The following ZNF490 variants were observed in gnomAD, a reference collection of about 807,000 sequenced individuals.
The protein encoded by ZNF490 is zinc finger protein 490.
A neutral mutation model predicts 17.7 loss-of-function variants in ZNF490; 11 were observed. The ratio of observed to expected loss-of-function variants is 0.62; its 90% CI spans 0.39 to 1.03. ZNF490 has a LOEUF of 1.03. ZNF490 is among the 50% of genes least tolerant of loss of function. The pLI is 0.00. For missense variants in ZNF490, 542 were observed against 643.4 expected (o/e 0.84, Z 1.71); for synonymous variants, 222 against 216.1 (o/e 1.03, Z -0.24).
chr19:12,608,362 C>T (rs1206875407), intron 2 of ZNF490, among the ~76,000 whole-genome samples: 4 of 152,170 alleles, frequency 2.6e-5, no homozygotes, highest in Admixed American at 6.6e-5. Flanking sequence ...CAGGTCACCG[C>T]AGCCTCAGGT....
At chr19:12,608,453 T>G (rs1568283960) in intron 2 of ZNF490, among the ~76,000 whole-genome samples, 1 of 108,058 alleles carries the variant, frequency 9.3e-6, no homozygotes, top group African/African-American at 3.0e-5. Flanking sequence ...CTTTATTTAT[T>G]TATGTATTTA....
chr19:12,578,253 A>G lies in ZNF490; in HGVS notation c.*2232T>C. The G allele has an allele frequency of 1.0e-6, 1 of 985,548 alleles. No homozygotes were observed. The highest frequency in any genetic ancestry group is 1.2e-6 in the Non-Finnish European group (1 of 830,028). The allele number at this position is 985,548 out of a possible 1,614,324, so 61.1% of individuals were successfully genotyped here. A position where few individuals can be genotyped will look rare whatever the true frequency, so the allele number is the denominator to read the frequency against. On this transcript the variant is annotated 3_prime_UTR_variant, in exon 5 of 5. Transcript: ENST00000311437. Reference sequence around the variant, plus strand: ...GAATGTGCCAGAAAACAGGGAAAGCAAGTTAGGGGAGGTAAGAATTCTGAG... The same window carrying G: ...GAATGTGCCAGAAAACAGGGAAAGCGAGTTAGGGGAGGTAAGAATTCTGAG...
chr19:12,608,457 GTATTTATT>G (rs147000880), intron 2 of ZNF490, among the ~76,000 whole-genome samples: 87,113 of 149,410 alleles, frequency 0.58, 26,701 homozygotes, highest in Non-Finnish European at 0.69. Flanking sequence ...ATTTATTTAT[GTATTTATT>G]TATTTATTTA....
At chr19:12,601,797 C>T (rs1366443436) in intron 2 of ZNF490, among the ~76,000 whole-genome samples, 3 of 151,692 alleles carry the variant, frequency 2.0e-5, no homozygotes, top group South Asian at 2.1e-4. Flanking sequence ...TCGAGACCAT[C>T]CTGGCTAACA....
intron 2 of ZNF490, among the ~76,000 whole-genome samples, chr19:12,596,672 C>G (rs1013153440): frequency 2.0e-5 from 3 of 152,282 alleles, no homozygotes; most frequent in Middle Eastern, 3.4e-3. Context: ...CAAAAACAAA[C>G]AAATTCCCAA....
chr19:12,592,051 G>T (rs374563816), intron 2 of ZNF490, among the ~76,000 whole-genome samples: 6 of 152,022 alleles, frequency 3.9e-5, no homozygotes, highest in East Asian at 1.9e-4. Flanking sequence ...AAGAAATCAG[G>T]TATCAGCTGG....
Position 12,581,636 on chromosome 19 carries a change from G to C in ZNF490, c.439C>G (p.Leu147Val), listed in dbSNP as rs765433354. 14 of 1,613,948 alleles carry C rather than the reference G, an allele frequency of 8.7e-6. No individual in the cohort carries two copies. In the Admixed American group the frequency reaches 2.2e-4, roughly 25 times the overall value. ...GGTTTTAATCCAGTAGGAGTTTCCAGGTTCGTATTAAGATCAGGAATCTGG... is the reference window on the plus strand; with the variant it reads ...GGTTTTAATCCAGTAGGAGTTTCCACGTTCGTATTAAGATCAGGAATCTGG... ...TSQIPDLNTN[L>V]ETPTGLKPCD... Residue 147 changes from leucine (L) to valine (V), a missense_variant, in exon 5 of 5, where the codon CTG becomes GTG. Leu to Val is a conservative substitution (Grantham distance 32). Transcript: ENST00000311437.
rs1462648121 is a variant in ZNF490 at position 12,585,465 on chromosome 19, G to T, written c.163-1909C>A. On this transcript the variant is annotated intron_variant, in intron 2 of 4. Transcript: ENST00000311437. ...TGAAGTTAGGTAGGCATTCTTTCCAGTAGTCATTTATTTACAACAAGAGAG... is the reference window on the plus strand; with the variant it reads ...TGAAGTTAGGTAGGCATTCTTTCCATTAGTCATTTATTTACAACAAGAGAG... Among the ~76,000 whole-genome samples, 4 of 92,780 alleles carry T rather than the reference G, an allele frequency of 4.3e-5. 1 individual carries two copies. The highest frequency in any genetic ancestry group is 1.2e-4 in the Non-Finnish European group (4 of 34,676). 60.9% of individuals were successfully genotyped at this position (92,780 alleles called of 152,430 possible).
chr19:12,581,094 A>T lies in ZNF490; in HGVS notation c.981T>A (p.Thr327=), dbSNP rs781613659. ...ATACAAAAGGTTTCTCTCCAGTATG[A>T]GTTTTCTCATGACTCCGTAAGTACG... ...CPTYLRSHEK[T]HTGEKPFVCR... The change falls in exon 5 of 5, where the codon ACT becomes ACA. Residue 327 remains threonine (T), a synonymous_variant. Coordinates refer to ENST00000311437, the MANE Select transcript of ZNF490 (RefSeq NM_020714.3). 1.9e-6 allele frequency: 3 copies of T among 1,613,998 alleles called. No individual in the cohort carries two copies. In the African/African-American group the frequency reaches 4.0e-5, roughly 22 times the overall value.
intron 2 of ZNF490, among the ~76,000 whole-genome samples, chr19:12,598,955 C>G (rs1441610136): frequency 6.0e-5 from 9 of 150,650 alleles, no homozygotes; most frequent in Middle Eastern, 6.8e-3. Context: ...TCACTGCACT[C>G]CAGCCTGGGC....
At chr19:12,588,144 G>A (rs1323507593) in intron 2 of ZNF490, among the ~76,000 whole-genome samples, 3 of 149,282 alleles carry the variant, frequency 2.0e-5, no homozygotes, top group South Asian at 2.1e-4. Context: ...GATTACAAGC[G>A]TGAGACACCA....
Position 12,578,349 on chromosome 19 carries a change from G to A in ZNF490, c.*2136C>T. Reference sequence around the variant, plus strand: ...GCAGTTTTGAGATTATTCTGACTGTGGTGGTTGGTGCAGGGCTGGTAACCG... The same window carrying A: ...GCAGTTTTGAGATTATTCTGACTGTAGTGGTTGGTGCAGGGCTGGTAACCG... On this transcript the variant is annotated 3_prime_UTR_variant, in exon 5 of 5. Transcript: ENST00000311437. 1.0e-6 allele frequency: 1 copy of A among 985,708 alleles called. No individual in the cohort carries two copies. The highest frequency in any genetic ancestry group is 1.2e-6 in the Non-Finnish European group (1 of 830,082). The allele number at this position is 985,708 out of a possible 1,614,324, so 61.1% of individuals were successfully genotyped here.
rs2022736701 is a variant in ZNF490, at chr19:12,581,639, T to G, written c.436A>C (p.Asn146His). ...STSQIPDLNT[N>H]LETPTGLKPC... ...TTTAATCCAGTAGGAGTTTCCAGGT[T>G]CGTATTAAGATCAGGAATCTGGCTA... is the stretch of plus-strand genomic sequence containing the variant. The change falls in exon 5 of 5, where the codon AAC becomes CAC. Residue 146 changes from asparagine to histidine, a missense_variant. Asn to His is a moderately conservative substitution (Grantham distance 68). Coordinates refer to ENST00000311437, the MANE Select transcript of ZNF490 (RefSeq NM_020714.3). 6.2e-6 allele frequency: 10 copies of G among 1,614,174 alleles called. No individual in the cohort carries two copies. The highest frequency in any genetic ancestry group is 8.5e-6 in the Non-Finnish European group (10 of 1,180,020).
rs556641493 is a variant in ZNF490 at position 12,576,180 on chromosome 19, A to AG, written c.*4304dup. Among the ~76,000 whole-genome samples the AG allele has an allele frequency of 7.2e-5, 11 of 152,134 alleles. No homozygotes were observed. The highest frequency in any genetic ancestry group is 2.1e-4 in the South Asian group (1 of 4,832). Reference sequence around the variant, plus strand: ...CTCTCACCAGCTCCATTCAGTGTTAAGGGGGGTGCTCCCAGGGAAATCAGG... The same window carrying AG: ...CTCTCACCAGCTCCATTCAGTGTTAAGGGGGGGTGCTCCCAGGGAAATCAGG... On this transcript the variant is annotated 3_prime_UTR_variant, in exon 5 of 5. Transcript: ENST00000311437.
rs558388618 is a variant in ZNF490 at position 12,585,602 on chromosome 19, G to T, written c.163-2046C>A. ...TTCTTATCATAGCAAAGAACATCAT[G>T]GCTCGGGGCACAGGCTCACCAGAAG... On this transcript the variant is annotated intron_variant, in intron 2 of 4. Transcript: ENST00000311437. Among the ~76,000 whole-genome samples the T allele has an allele frequency of 3.4e-4, 32 of 93,362 alleles. 9 individuals carry two copies. In the South Asian group the frequency reaches 9.2e-3, roughly 27 times the overall value. The allele number at this position is 93,362 out of a possible 152,430, so 61.2% of individuals were successfully genotyped here.
At chr19:12,586,404 A>G (rs1298507705) in intron 2 of ZNF490, among the ~76,000 whole-genome samples, 1 of 94,662 alleles carries the variant, frequency 1.1e-5, no homozygotes, top group Admixed American at 9.9e-5. Flanking sequence ...AGAGAACCCC[A>G]AAAATGACAG....
At position 12,577,628 on chromosome 19, in the gene ZNF490, C is replaced by G; in HGVS notation, c.*2857G>C. Reference sequence around the variant, plus strand: ...GTAGCCGTCACTTCCACTGAGGCCTCATCTGCCAGCAAACCTTGCTCCAGT... The same window carrying G: ...GTAGCCGTCACTTCCACTGAGGCCTGATCTGCCAGCAAACCTTGCTCCAGT... On this transcript the variant is annotated 3_prime_UTR_variant, in exon 5 of 5. Transcript: ENST00000311437. 2.0e-6 allele frequency: 2 copies of G among 985,518 alleles called. No homozygotes were observed. Among genetic ancestry groups the G allele is most frequent in the Non-Finnish European group, 2.4e-6 (2 of 829,980 alleles). The allele number at this position is 985,518 out of a possible 1,614,324, so 61.0% of individuals were successfully genotyped here. A position where few individuals can be genotyped will look rare whatever the true frequency, so the allele number is the denominator to read the frequency against.
chr19:12,607,391 T>C (rs888411249), intron 2 of ZNF490, among the ~76,000 whole-genome samples: 3 of 151,886 alleles, frequency 2.0e-5, no homozygotes, highest in African/African-American at 7.2e-5. Context: ...CCAAGCGTGG[T>C]GGCGCACACC....
intron 2 of ZNF490, among the ~76,000 whole-genome samples, chr19:12,594,505 A>G (rs1358012389): frequency 6.6e-6 from 1 of 152,068 alleles, no homozygotes; most frequent in African/African-American, 2.4e-5. Context: ...AAGAGCATCT[A>G]TAGTGCTCTG....
Sources: allele counts gnomAD v4.1 joint callset (sites outside exome capture counted in the v4.1 genomes callset), GRCh38; gene constraint gnomAD v4.1.1; transcripts MANE v1.5; gene names NCBI Gene and HGNC (gene_info 2026-07-23, HGNC 2026-07-21).